The following SLC25A6 variants were observed in gnomAD, a reference collection of about 807,000 sequenced individuals.
SLC25A6 encodes ADP/ATP translocase 3.
In SLC25A6, 9 loss-of-function variants were observed where a neutral mutation model predicts 25.7. The ratio of observed to expected loss-of-function variants is 0.35; its 90% CI spans 0.21 to 0.61. The LOEUF (loss-of-function observed/expected upper bound fraction) is 0.61, where lower values mean the gene tolerates loss of function less well. Ranked by LOEUF, SLC25A6 falls within the 20% of genes least tolerant of loss-of-function variation. The pLI is 0.76. For missense variants in SLC25A6, 404 were observed against 440.5 expected (o/e 0.92, Z 0.74); for synonymous variants, 223 against 197.0 (o/e 1.13, Z -1.11).
chrX:1,387,424 GC>G lies in SLC25A6; in HGVS notation c.599-6del. The G allele has an allele frequency of 1.2e-6, 2 of 1,612,080 alleles. No homozygotes were observed. Among genetic ancestry groups the G allele is most frequent in the Non-Finnish European group, 1.7e-6 (2 of 1,179,520 alleles). ...TCTTGGGGTCGGGGAGCATGCCTGC[GC>G]GGGAACGGCACGTCACCGTCTCCAG... On this transcript the variant is annotated splice_polypyrimidine_tract_variant and splice_region_variant and intron_variant, in intron 2 of 3. Coordinates refer to ENST00000381401, the MANE Select transcript of SLC25A6 (RefSeq NM_001636.4).
chrX:1,392,084 C>T lies in SLC25A6; in HGVS notation c.-75G>A. The T allele has an allele frequency of 3.6e-6, 4 of 1,118,522 alleles. No individual in the cohort carries two copies. The highest frequency in any genetic ancestry group is 2.8e-4 in the Middle Eastern group (1 of 3,564). The allele number at this position is 1,118,522 out of a possible 1,614,324, so 69.3% of individuals were successfully genotyped here. ...GAGAGTGAATGGAGGGCGTCGCTGG[C>T]TCAGCCCTGCCGCCGCCTGGACCGA... On this transcript the variant is annotated 5_prime_UTR_variant, in exon 1 of 4. Coordinates refer to ENST00000381401, the MANE Select transcript of SLC25A6 (RefSeq NM_001636.4).
At chrX:1,391,435 C>G (rs1448433155) in intron 1 of SLC25A6, among the ~76,000 whole-genome samples, 1 of 152,220 alleles carries the variant, frequency 6.6e-6, no homozygotes, top group African/African-American at 2.4e-5. Flanking sequence ...GGGTAAGAAC[C>G]ACCAATAACC....
intron 1 of SLC25A6, among the ~76,000 whole-genome samples, 155 bp downstream of exon 1, chrX:1,391,725 TGCAGCAGCGGTCACGTGAC>T (rs2089415365): frequency 6.6e-6 from 1 of 152,172 alleles, no homozygotes; most frequent in Admixed American, 6.5e-5. Context: ...CGCCACGCCC[TGCAGCAGCGGTCACGTGAC>T]GCGGCCCCCG....
At chrX:1,387,908 G>A (rs1234418163) in intron 2 of SLC25A6, among the ~76,000 whole-genome samples, 16 of 151,468 alleles carry the variant, frequency 1.1e-4, no homozygotes, top group Admixed American at 6.6e-5. Context: ...ACAGACACAC[G>A]GAGGGATGAC....
chrX:1,386,893 T>C (rs2089332568), intron 3 of SLC25A6, 134 bp from the exon 4 acceptor site: 6 of 1,099,722 alleles, frequency 5.5e-6, no homozygotes, highest in Non-Finnish European at 7.9e-6. Context: ...ACAGGAGGGA[T>C]ACCTGAGGCT....
chrX:1,387,575 G>A (rs767654417), intron 2 of SLC25A6, among the ~76,000 whole-genome samples, 156 bp from the exon 3 acceptor site: 5 of 152,246 alleles, frequency 3.3e-5, no homozygotes, highest in East Asian at 3.9e-4. Flanking sequence ...GCCAGCTGAC[G>A]TTTACAACAC....
At chrX:1,391,138 T>C (rs2089403275) in intron 1 of SLC25A6, among the ~76,000 whole-genome samples, 1 of 89,274 alleles carries the variant, frequency 1.1e-5, no homozygotes, top group Admixed American at 1.2e-4. Flanking sequence ...TAAGTTAAAA[T>C]AATTTTTTTT....
chrX:1,390,140 A>T (rs1424010199), intron 1 of SLC25A6: 9 of 232,054 alleles, frequency 3.9e-5, no homozygotes, highest in Non-Finnish European at 6.8e-5. Flanking sequence ...TCTCCCGAGT[A>T]CCCGGGTCTA....
intron 1 of SLC25A6, 71 bp from the exon 2 acceptor site, chrX:1,389,798 C>T (rs1334953130): frequency 5.7e-6 from 9 of 1,567,732 alleles, no homozygotes; most frequent in Non-Finnish European, 6.9e-6. Flanking sequence ...CTACAGGGTG[C>T]ATCCTTTTTT....
rs768540231 is a variant in SLC25A6, at chrX:1,389,376, G to A, written c.463C>T (p.Arg155Ter). 10 of 1,613,606 alleles carry A rather than the reference G, an allele frequency of 6.2e-6. No homozygotes were observed. In the East Asian group the frequency reaches 6.7e-5, roughly 11 times the overall value. The part of the protein sequence containing the change: ...VGKSGTEREF[R>*]GLGDCLVKIT... Reference sequence around the variant, plus strand: ...TTCACCAGGCAGTCTCCCAGGCCTCGGAACTCGCGCTCTGTGCCTGACTTT... The same window carrying A: ...TTCACCAGGCAGTCTCCCAGGCCTCAGAACTCGCGCTCTGTGCCTGACTTT... The change falls in exon 2 of 4, where the codon CGA becomes TGA. Residue 155 changes from arginine (R) to a stop codon, truncating the protein, a stop_gained. Transcript: ENST00000381401. LOFTEE classifies it high-confidence loss of function.
chrX:1,391,607 C>A (rs1309189662), intron 1 of SLC25A6, among the ~76,000 whole-genome samples: 1 of 152,222 alleles, frequency 6.6e-6, no homozygotes, highest in African/African-American at 2.4e-5. Flanking sequence ...AAGGTCAAGG[C>A]CCGCCAGCCG....
rs2089326351 is a variant in SLC25A6, at chrX:1,386,547, C to T, written c.*55G>A. ...ATGGTCCGCACGGTTGAGGATTCTA[C>T]GTGGTTCTCTTGGTTCCCCTGGTGT... On this transcript the variant is annotated 3_prime_UTR_variant, in exon 4 of 4. Transcript: ENST00000381401. 15 of 1,452,990 alleles carry T rather than the reference C, an allele frequency of 1.0e-5. No homozygotes were observed. The highest frequency in any genetic ancestry group is 1.2e-5 in the Non-Finnish European group (13 of 1,100,976). The allele number at this position is 1,452,990 out of a possible 1,614,324, so 90.0% of individuals were successfully genotyped here.
chrX:1,386,869 CCA>C (rs2089332117), intron 3 of SLC25A6, 110 bp from the exon 4 acceptor site: 1 of 1,316,408 alleles, frequency 7.6e-7, no homozygotes, highest in African/African-American at 1.5e-5. Flanking sequence ...GACGCCTGAG[CCA>C]CAGTTCTGAT....
intron 1 of SLC25A6, among the ~76,000 whole-genome samples, chrX:1,391,184 C>T: frequency 6.6e-6 from 1 of 152,104 alleles, no homozygotes; most frequent in South Asian, 2.1e-4. Flanking sequence ...CGGCTGCTCT[C>T]AAACTCCTGG....
chrX:1,388,364 C>T (rs2089355450), intron 2 of SLC25A6, among the ~76,000 whole-genome samples: 1 of 151,372 alleles, frequency 6.6e-6, no homozygotes, highest in African/African-American at 2.4e-5. Context: ...GACACGAGGA[C>T]ACAGACACAC....
In SLC25A6 at chrX:1,387,243, T is replaced by A. The variant is rs368569993; in HGVS notation, c.739+36A>T. The A allele has an allele frequency of 2.0e-4, 319 of 1,606,296 alleles. No individual in the cohort carries two copies. In the Middle Eastern group the frequency reaches 2.8e-3, roughly 14 times the overall value. On this transcript the variant is annotated intron_variant, in intron 3 of 3. Coordinates refer to ENST00000381401, the MANE Select transcript of SLC25A6 (RefSeq NM_001636.4). The stretch of plus-strand genomic sequence containing the variant: ...CCTAGGGCAAGGAGCTTGGTTCCCC[T>A]TCCCGGCAGCAAGGGTCCCCCGCCC...
At chrX:1,387,796 T>G (rs1367911184) in intron 2 of SLC25A6, among the ~76,000 whole-genome samples, 18 of 149,052 alleles carry the variant, frequency 1.2e-4, no homozygotes, top group African/African-American at 4.4e-4. Flanking sequence ...AGGATGCAAC[T>G]GTACTTGGAT....
At chrX:1,387,115 G>C (rs1484348852) in intron 3 of SLC25A6, among the ~76,000 whole-genome samples, 164 bp downstream of exon 3, 1 of 152,066 alleles carries the variant, frequency 6.6e-6, no homozygotes, top group African/African-American at 2.4e-5. Context: ...GAAGCCCATC[G>C]TTCAGGAAAA....
Position 1,386,729 on chromosome X carries a change from C to G in SLC25A6, c.770G>C (p.Cys257Ser). ...CTCATCTCTGAAGATCTTCCTCCAA[C>G]AGTCGACGGTGCCCGTGTACATGAT... is the stretch of plus-strand genomic sequence containing the variant. ...ADIMYTGTVD[C>S]WRKIFRDEGG... The change falls in exon 4 of 4, where the codon TGT becomes TCT. Residue 257 changes from cysteine (C) to serine (S), a missense_variant. Cys to Ser is a moderately radical substitution (Grantham distance 112, BLOSUM62 -1). Transcript: ENST00000381401. The G allele has an allele frequency of 6.2e-7, 1 of 1,612,382 alleles. No homozygotes were observed. Among genetic ancestry groups the G allele is most frequent in the Non-Finnish European group, 8.5e-7 (1 of 1,179,006 alleles).
Sources: allele counts gnomAD v4.1 joint callset (sites outside exome capture counted in the v4.1 genomes callset), GRCh38; gene constraint gnomAD v4.1.1; transcripts MANE v1.5; gene names NCBI Gene and HGNC (gene_info 2026-07-23, HGNC 2026-07-21).